Variants in NRK observed in about 807,000 individuals in gnomAD.
NRK encodes the protein nik-related protein kinase.
NRK carries 67 observed loss-of-function variants against 125.2 expected under a neutral mutation model. The observed-to-expected ratio is 0.54, with a 90% CI of 0.44 to 0.66. NRK has a LOEUF of 0.66. NRK is among the 30% of genes least tolerant of loss of function. The pLI is 0.00. For synonymous variants in NRK, 458 were observed against 429.0 expected (o/e 1.07, Z -0.84); for missense variants, 1,224 against 1,192.9 (o/e 1.03, Z -0.38).
intron 5 of NRK, 76 bp from the exon 6 acceptor site, chrX:105,893,756 C>A (rs778697615): frequency 2.2e-5 from 13 of 588,940 alleles, no homozygotes; most frequent in Non-Finnish European, 3.4e-5. Context: ...AGATACAAGC[C>A]ATATGGACTA....
At chrX:105,943,010 C>T (rs1368645384) in intron 23 of NRK, among the ~76,000 whole-genome samples, 1 of 111,768 alleles carries the variant, frequency 8.9e-6, no homozygotes, top group African/African-American at 3.2e-5. Flanking sequence ...GATAGTTTCC[C>T]TTGGTGCCCC....
intron 2 of NRK, among the ~76,000 whole-genome samples, chrX:105,860,386 T>A (rs2039586724): frequency 9.0e-6 from 1 of 111,387 alleles, no homozygotes; most frequent in Admixed American, 9.6e-5. Flanking sequence ...ATTTAACTTA[T>A]TTTCATTTAA....
At chrX:105,837,002 T>G (rs1031474167) in intron 2 of NRK, among the ~76,000 whole-genome samples, 1 of 112,260 alleles carries the variant, frequency 8.9e-6, no homozygotes, top group Non-Finnish European at 1.9e-5. Context: ...AAGATGGAAG[T>G]AAATTACTTT....
chrX:105,862,736 A>G (rs1031481858), intron 2 of NRK, among the ~76,000 whole-genome samples: 3 of 112,129 alleles, frequency 2.7e-5, no homozygotes, highest in East Asian at 5.6e-4. Context: ...GTCAATATTT[A>G]CCATGGATGC....
chrX:105,840,248 A>G (rs1196271642), intron 2 of NRK, among the ~76,000 whole-genome samples: 1 of 111,815 alleles, frequency 8.9e-6, no homozygotes, highest in Non-Finnish European at 1.9e-5. Flanking sequence ...AGGGGAAAGT[A>G]AATGTCATGG....
chrX:105,946,567 C>G (rs2040816328), intron 26 of NRK, 103 bp downstream of exon 26: 2 of 599,954 alleles, frequency 3.3e-6, no homozygotes, highest in Non-Finnish European at 5.2e-6. Flanking sequence ...TTAGTAATGT[C>G]TATACCGGAA....
Position 105,944,041 on chromosome X carries a change from A to C in NRK, c.4059A>C (p.Lys1353Asn). The change falls in exon 24 of 29, where the codon AAA (lysine) becomes AAC (asparagine). Residue 1353 changes from lysine (K) to asparagine (N), a missense_variant and splice_region_variant. Physicochemically the swap from Lys to Asn is moderately conservative, Grantham distance 94 (BLOSUM62 0). Coordinates refer to ENST00000243300, the MANE Select transcript of NRK (RefSeq NM_198465.4). ...CCTTTGATGAAAGCACTGCTATTAA[A>C]GTGAGTGAGCTCCTTTTTCTTTGGA... ...PKSFDESTAI[K>N]VCIDQSADSE... The C allele has an allele frequency of 9.9e-7, 1 of 1,011,938 alleles. No homozygotes were observed. The highest frequency in any genetic ancestry group is 1.4e-6 in the Non-Finnish European group (1 of 729,181). The allele number at this position is 1,011,938 out of a possible 1,213,427, so 83.4% of individuals were successfully genotyped here.
intron 2 of NRK, among the ~76,000 whole-genome samples, chrX:105,844,631 G>A (rs1028593869): frequency 2.7e-5 from 3 of 111,478 alleles, no homozygotes; most frequent in South Asian, 3.8e-4. Flanking sequence ...AGGCCAGAAC[G>A]TTCCAGATAA....
chrX:105,942,722 T>C (rs1892350671), intron 23 of NRK, among the ~76,000 whole-genome samples: 2 of 111,126 alleles, frequency 1.8e-5, no homozygotes, highest in Admixed American at 9.5e-5. Flanking sequence ...AGGTTCAAGA[T>C]ATTCTCCTGC....
rs370686370 is a variant in NRK, at chrX:105,935,276, C to T, written c.3606C>T (p.His1202=). 3 of 1,202,412 alleles carry T rather than the reference C, an allele frequency of 2.5e-6. No homozygotes were observed. Among genetic ancestry groups the T allele is most frequent in the Non-Finnish European group, 3.4e-6 (3 of 887,808 alleles). The change falls in exon 21 of 29, where the codon CAC becomes CAT. Residue 1202 remains histidine, a synonymous_variant. Transcript: ENST00000243300. ...CTGCATGTAAAAAACCACTAATCCA[C>T]ATGTATGAAAAGGAGTTCACTTCTG... ...VSPACKKPLI[H]MYEKEFTSEI...
At position 105,900,630 on chromosome X, in the gene NRK, T is replaced by A; in HGVS notation, c.724T>A (p.Ser242Thr). The A allele has an allele frequency of 8.4e-7, 1 of 1,188,818 alleles. No individual in the cohort carries two copies. ...TTTGTCTTTGCAGAGTGATGTGTGG[T>A]CTGTGGGAATTACTGCCATTGAAAT... ...RSYDYRSDVW[S>T]VGITAIEMAE... The change falls in exon 9 of 29, where the codon TCT becomes ACT. Residue 242 changes from serine (S) to threonine (T), a missense_variant. By Grantham distance (58) the Ser-to-Thr change is moderately conservative (BLOSUM62 1). Transcript: ENST00000243300.
At chrX:105,917,391 A>C (rs1413058405) in intron 15 of NRK, among the ~76,000 whole-genome samples, 187 bp from the exon 16 acceptor site, 8 of 111,316 alleles carry the variant, frequency 7.2e-5, no homozygotes, top group Non-Finnish European at 1.1e-4. Context: ...TCGTTACTCT[A>C]TTCTAGACAA....
intron 1 of NRK, among the ~76,000 whole-genome samples, chrX:105,824,215 T>C (rs1319035069): frequency 8.9e-6 from 1 of 112,067 alleles, no homozygotes; most frequent in East Asian, 2.8e-4. Flanking sequence ...TCATAAAATA[T>C]GTCACAGAAC....
chrX:105,833,710 T>C (rs868123627), intron 2 of NRK, among the ~76,000 whole-genome samples: 5 of 111,612 alleles, frequency 4.5e-5, no homozygotes, highest in South Asian at 7.5e-4. Context: ...AATATATATT[T>C]GGTAAGATTA....
intron 15 of NRK, among the ~76,000 whole-genome samples, chrX:105,916,872 G>A (rs2040372080): frequency 9.0e-6 from 1 of 111,506 alleles, no homozygotes; most frequent in Admixed American, 9.6e-5. Context: ...TAACAAATAC[G>A]TTGCCTTTAA....
intron 1 of NRK, among the ~76,000 whole-genome samples, chrX:105,830,612 G>A (rs192978505): frequency 9.0e-6 from 1 of 110,686 alleles, no homozygotes; most frequent in East Asian, 2.9e-4. Flanking sequence ...AACAGAACAA[G>A]GCAGATTGGA....
At chrX:105,893,280 G>A (rs2040037647) in intron 5 of NRK, among the ~76,000 whole-genome samples, 1 of 112,014 alleles carries the variant, frequency 8.9e-6, no homozygotes, top group African/African-American at 3.2e-5. Context: ...CCTTGGAGTT[G>A]TAGCTTGCCA....
At chrX:105,920,141 T>G (rs1251117807) in intron 16 of NRK, among the ~76,000 whole-genome samples, 4 of 101,385 alleles carry the variant, frequency 3.9e-5, no homozygotes, top group African/African-American at 1.5e-4. Flanking sequence ...CACCATTTAT[T>G]AAATAGGGAA....
At chrX:105,865,511 G>A (rs62605027) in intron 2 of NRK, among the ~76,000 whole-genome samples, 36,822 of 109,697 alleles carry the variant, frequency 0.34, 5,989 homozygotes, top group African/African-American at 0.64. Context: ...AGAGATAGTG[G>A]GATCTTTTTT....
Sources: gnomAD v4.1 joint callset for allele counts (sites outside exome capture counted in the v4.1 genomes callset) on GRCh38, gnomAD v4.1.1 for gene constraint, MANE v1.5 for transcripts, NCBI Gene and HGNC (gene_info 2026-07-23, HGNC 2026-07-21) for gene names.